Variants in COLEC10 observed in about 807,000 individuals in gnomAD.
COLEC10 encodes collectin subfamily member 10.
A neutral mutation model predicts 28.4 loss-of-function variants in COLEC10; 22 were observed. The ratio of observed to expected loss-of-function variants is 0.78; its 90% CI spans 0.55 to 1.11. The LOEUF (loss-of-function observed/expected upper bound fraction) is 1.11, where lower values mean the gene tolerates loss of function less well. Ranked by LOEUF, COLEC10 falls within the 50% of genes least tolerant of loss-of-function variation. COLEC10 has a pLI of 0.00. For synonymous variants in COLEC10, 125 were observed against 116.1 expected, an observed-to-expected ratio of 1.08 and a Z score of -0.49; for missense variants, 361 against 344.1, an observed-to-expected ratio of 1.05 and a Z score of -0.39.
chr8:119,079,760 C>CAGTTGTT (rs1815332909), intron 1 of COLEC10, among the ~76,000 whole-genome samples: 1 of 151,560 alleles, frequency 6.6e-6, no homozygotes, highest in Non-Finnish European at 1.5e-5. Flanking sequence ...CTTGAAATCC[C>CAGTTGTT]CAGTTGTTTT....
the COLEC10 span, among the ~76,000 whole-genome samples, chr8:118,966,315 T>C: frequency 6.6e-6 from 1 of 152,198 alleles, no homozygotes; most frequent in Admixed American, 6.5e-5. Context: ...CATTAACATT[T>C]TTTGGAAAAA....
chr8:118,969,107 A>G, the COLEC10 span, among the ~76,000 whole-genome samples: 1 of 152,044 alleles, frequency 6.6e-6, no homozygotes, highest in African/African-American at 2.4e-5. Flanking sequence ...AGGATCAGTC[A>G]CTAGAAGGAA....
At chr8:119,078,827 CA>C (rs35331089) in intron 1 of COLEC10, among the ~76,000 whole-genome samples, 3,629 of 152,086 alleles carry the variant, frequency 0.024, 58 homozygotes, top group South Asian at 0.08. Flanking sequence ...ACTTTAACAC[CA>C]ACCTAATAAC....
chr8:119,074,613 A>G (rs2465397), intron 1 of COLEC10, among the ~76,000 whole-genome samples: 108,875 of 152,004 alleles, frequency 0.72, 40,134 homozygotes, highest in African/African-American at 0.89. Flanking sequence ...TTGTGAAGTC[A>G]GCTCCCCAAA....
chr8:119,071,831 C>T (rs541619119), intron 1 of COLEC10, among the ~76,000 whole-genome samples: 9 of 152,232 alleles, frequency 5.9e-5, no homozygotes, highest in Admixed American at 1.3e-4. Flanking sequence ...GAAAGACCCC[C>T]AACATTTTAA....
At chr8:119,018,952 C>T (rs1376934725) in intron 2 of COLEC10, among the ~76,000 whole-genome samples, 2 of 152,148 alleles carry the variant, frequency 1.3e-5, no homozygotes, top group Admixed American at 1.3e-4. Flanking sequence ...CTTCCATTCC[C>T]ATTTTCATAT....
intron 2 of COLEC10, among the ~76,000 whole-genome samples, chr8:119,053,686 T>TTG (rs143462408): frequency 6.7e-6 from 1 of 149,942 alleles, no homozygotes. Context: ...AAAAAAAAGG[T>TTG]GGGGGGGGCT....
At chr8:119,066,849 T>C (rs933717199), upstream of COLEC10, among the ~76,000 whole-genome samples, 1 of 152,202 alleles carries the variant, frequency 6.6e-6, no homozygotes, top group Non-Finnish European at 1.5e-5. Flanking sequence ...TATCACCTTA[T>C]GAAAAGCTCA....
chr8:119,058,337 A>G (rs1318581468), intron 2 of COLEC10, among the ~76,000 whole-genome samples: 2 of 152,054 alleles, frequency 1.3e-5, no homozygotes, highest in Non-Finnish European at 2.9e-5. Context: ...ATGCTTATAT[A>G]GTTGTGCAGT....
At chr8:119,000,852 G>A (rs1022342407) in intron 1 of COLEC10, among the ~76,000 whole-genome samples, 8 of 152,190 alleles carry the variant, frequency 5.3e-5, no homozygotes, top group African/African-American at 1.9e-4. Flanking sequence ...TATTGAATCT[G>A]CTGAGGGTGA....
In COLEC10 at chr8:119,021,781, A is replaced by T. The variant is rs75440225; in HGVS notation, n.235+12228A>T. 2.0e-3 allele frequency among the ~76,000 whole-genome samples: 303 copies of T among 152,256 alleles called. 3 individuals carry two copies. In the East Asian group the frequency reaches 0.042, roughly 21 times the overall value. ...TGACCAGAGTCAAAATCTGAAACCA[A>T]TTTTGAGCTTGGCTCTGTCATTTAT... On this transcript the variant is annotated intron_variant and non_coding_transcript_variant, in intron 2 of 6. Transcript: ENST00000521788.
chr8:119,101,740 G>A (rs1815831663), intron 3 of COLEC10, among the ~76,000 whole-genome samples: 1 of 152,106 alleles, frequency 6.6e-6, no homozygotes, highest in South Asian at 2.1e-4. Context: ...TTTTCATAGA[G>A]TAAGCAAATA....
At chr8:119,002,963 C>T (rs931656697) in intron 1 of COLEC10, among the ~76,000 whole-genome samples, 3 of 152,150 alleles carry the variant, frequency 2.0e-5, no homozygotes, top group East Asian at 1.9e-4. Flanking sequence ...GAATTCTTTA[C>T]GTAATCATAT....
the COLEC10 span, among the ~76,000 whole-genome samples, chr8:118,956,092 C>G: frequency 1.3e-5 from 2 of 152,148 alleles, no homozygotes; most frequent in South Asian, 4.1e-4. Context: ...GGTTTGCAGA[C>G]TGCCAACTTT....
At chr8:119,101,472 A>G (rs1815824627) in intron 3 of COLEC10, among the ~76,000 whole-genome samples, 1 of 152,128 alleles carries the variant, frequency 6.6e-6, no homozygotes, top group Non-Finnish European at 1.5e-5. Context: ...AACGTGTTTT[A>G]TTCTTTCTCT....
chr8:119,074,193 A>C (rs1815180814), intron 1 of COLEC10, among the ~76,000 whole-genome samples: 1 of 152,076 alleles, frequency 6.6e-6, no homozygotes, highest in Admixed American at 6.6e-5. Flanking sequence ...GTACAAAAAT[A>C]ATAGAAAGAA....
intron 2 of COLEC10, among the ~76,000 whole-genome samples, chr8:119,011,150 A>G (rs1813895166): frequency 6.6e-6 from 1 of 150,880 alleles, no homozygotes; most frequent in Admixed American, 6.6e-5. Flanking sequence ...ATTTTGAGTT[A>G]ATTTTTGTGA....
Position 119,105,916 on chromosome 8 carries a change from A to C in COLEC10, c.559A>C (p.Lys187Gln), listed in dbSNP as rs758018781. 1.9e-6 allele frequency: 3 copies of C among 1,613,906 alleles called. No individual in the cohort carries two copies. Among genetic ancestry groups the C allele is most frequent in the Non-Finnish European group, 2.5e-6 (3 of 1,179,896 alleles). Residue 187 changes from lysine to glutamine, a missense_variant, in exon 6 of 6, where the codon AAG becomes CAG. By Grantham distance (53) the Lys-to-Gln change is moderately conservative (BLOSUM62 1). Coordinates refer to ENST00000332843, the MANE Select transcript of COLEC10 (RefSeq NM_006438.5). The part of the protein sequence containing the change: ...RIRGGMLAMP[K>Q]DEAANTLIAD... Reference sequence around the variant, plus strand: ...TCGGGGTGGAATGCTAGCCATGCCCAAGGATGAAGCTGCCAACACACTCAT... The same window carrying C: ...TCGGGGTGGAATGCTAGCCATGCCCCAGGATGAAGCTGCCAACACACTCAT...
chr8:119,073,585 G>T (rs1352855144), intron 1 of COLEC10, among the ~76,000 whole-genome samples: 2 of 151,620 alleles, frequency 1.3e-5, no homozygotes, highest in African/African-American at 4.8e-5. Context: ...TTATATTTCA[G>T]TGTATCGATA....
Sources: allele counts gnomAD v4.1 joint callset (sites outside exome capture counted in the v4.1 genomes callset), GRCh38; gene constraint gnomAD v4.1.1; transcripts MANE v1.5; gene names NCBI Gene and HGNC (gene_info 2026-07-23, HGNC 2026-07-21).